Variants in CADM2 observed in about 807,000 individuals in gnomAD.
CADM2 encodes immunoglobulin superfamily member 4D.
In CADM2, 12 loss-of-function variants were observed where a neutral mutation model predicts 49.8. The observed-to-expected ratio is 0.24, with a 90% CI of 0.15 to 0.39. The LOEUF (loss-of-function observed/expected upper bound fraction) is 0.39. Ranked by LOEUF, CADM2 falls within the 10% of genes least tolerant of loss-of-function variation. The probability of loss-of-function intolerance (pLI) is 1.00; values close to 1 mark genes in which losing one functional copy is unlikely to be tolerated. For synonymous variants in CADM2, 214 were observed against 175.4 expected, an observed-to-expected ratio of 1.22 and a Z score of -1.74; for missense variants, 378 against 492.3, an observed-to-expected ratio of 0.77 and a Z score of 2.20.
chr3:85,989,767 C>A (rs1195838292), intron 8 of CADM2, among the ~76,000 whole-genome samples: 2 of 151,866 alleles, frequency 1.3e-5, no homozygotes, highest in African/African-American at 2.4e-5. Flanking sequence ...AATCCCAGCA[C>A]TTTTGGAGGC....
intron 6 of CADM2, among the ~76,000 whole-genome samples, chr3:85,915,204 T>A (rs1718123143): frequency 6.6e-6 from 1 of 152,176 alleles, no homozygotes; most frequent in South Asian, 2.1e-4. Context: ...CATGAATAAG[T>A]AAAACTTCAT....
At chr3:85,074,308 A>C (rs2036862925) in intron 1 of CADM2, among the ~76,000 whole-genome samples, 1 of 152,006 alleles carries the variant, frequency 6.6e-6, no homozygotes, top group African/African-American at 2.4e-5. Flanking sequence ...ATCTTTGCTA[A>C]AATCTCAACT....
intron 1 of CADM2, among the ~76,000 whole-genome samples, chr3:85,295,383 C>G (rs1331230515): frequency 1.3e-5 from 2 of 152,088 alleles, no homozygotes; most frequent in Non-Finnish European, 2.9e-5. Context: ...GTCAGTGTGG[C>G]GATTCCTCAG....
intron 1 of CADM2, among the ~76,000 whole-genome samples, chr3:85,248,164 T>C (rs1216445340): frequency 6.6e-6 from 1 of 152,222 alleles, no homozygotes; most frequent in Non-Finnish European, 1.5e-5. Flanking sequence ...TATAACTTTA[T>C]GTTTGAATCA....
chr3:85,554,609 A>T (rs1257212737), intron 1 of CADM2, among the ~76,000 whole-genome samples: 2 of 152,216 alleles, frequency 1.3e-5, no homozygotes, highest in African/African-American at 4.8e-5. Flanking sequence ...ATCTGAATAA[A>T]AGGGCATACG....
At chr3:85,714,792 G>A (rs57126458) in intron 1 of CADM2, among the ~76,000 whole-genome samples, 5 of 151,576 alleles carry the variant, frequency 3.3e-5, no homozygotes, top group South Asian at 2.1e-4. Flanking sequence ...TACTCCCCTC[G>A]TTAAGATGAT....
At chr3:85,680,543 C>G (rs939191948) in intron 1 of CADM2, among the ~76,000 whole-genome samples, 1 of 151,950 alleles carries the variant, frequency 6.6e-6, no homozygotes, top group African/African-American at 2.4e-5. Context: ...TTTATGTGCT[C>G]CATAAGTGAT....
intron 1 of CADM2, among the ~76,000 whole-genome samples, chr3:85,606,017 A>G (rs936134880): frequency 1.3e-5 from 2 of 152,138 alleles, no homozygotes; most frequent in Non-Finnish European, 1.5e-5. Flanking sequence ...CAGAGTCCTC[A>G]TAGGCACAAT....
intron 1 of CADM2, among the ~76,000 whole-genome samples, chr3:85,514,781 G>A (rs148283077): frequency 1.6e-3 from 237 of 152,116 alleles, no homozygotes; most frequent in African/African-American, 5.3e-3. Context: ...CTTACTTGAA[G>A]CTTGAAATTA....
chr3:85,802,780 A>G (rs918727158), intron 3 of CADM2, among the ~76,000 whole-genome samples: 1 of 152,132 alleles, frequency 6.6e-6, no homozygotes, highest in African/African-American at 2.4e-5. Context: ...TTGATTAAAC[A>G]TTCCAGAGAA....
chr3:84,961,191 C>T (rs1473563670), intron 1 of CADM2, among the ~76,000 whole-genome samples: 1 of 152,080 alleles, frequency 6.6e-6, no homozygotes, highest in Non-Finnish European at 1.5e-5. Flanking sequence ...GGTCAATGAA[C>T]CATCTTTCAG....
chr3:85,221,728 C>A (rs1334626811), intron 1 of CADM2, among the ~76,000 whole-genome samples: 1 of 152,094 alleles, frequency 6.6e-6, no homozygotes, highest in Non-Finnish European at 1.5e-5. Flanking sequence ...GTGGTGATAA[C>A]CATTGTAAAC....
intron 1 of CADM2, among the ~76,000 whole-genome samples, chr3:85,198,251 C>T (rs2041395659): frequency 6.6e-6 from 1 of 151,796 alleles, no homozygotes; most frequent in Non-Finnish European, 1.5e-5. Context: ...TCCATGTAAA[C>T]ATCTGTAATC....
At chr3:85,146,296 G>T (rs2039738489) in intron 1 of CADM2, among the ~76,000 whole-genome samples, 1 of 152,062 alleles carries the variant, frequency 6.6e-6, no homozygotes, top group Admixed American at 6.5e-5. Flanking sequence ...CTTTGTATTA[G>T]GGTATAAATT....
chr3:85,327,317 A>T (rs775670028), intron 1 of CADM2, among the ~76,000 whole-genome samples: 23 of 151,954 alleles, frequency 1.5e-4, no homozygotes, highest in Non-Finnish European at 2.8e-4. Flanking sequence ...GTGCAGTGTC[A>T]CAATCCCAGC....
At chr3:85,644,290 T>A (rs565102494) in intron 1 of CADM2, among the ~76,000 whole-genome samples, 2 of 152,240 alleles carry the variant, frequency 1.3e-5, no homozygotes, top group South Asian at 2.1e-4. Context: ...TCCATTGCTC[T>A]TCTTAGAAGG....
At chr3:85,381,669 T>C (rs948912759) in intron 1 of CADM2, among the ~76,000 whole-genome samples, 12 of 151,816 alleles carry the variant, frequency 7.9e-5, no homozygotes, top group Admixed American at 2.0e-4. Context: ...TAATAAAGTA[T>C]ATTTTTAGAG....
intron 5 of CADM2, among the ~76,000 whole-genome samples, chr3:85,891,807 C>T (rs940795003): frequency 2.6e-5 from 4 of 152,152 alleles, no homozygotes; most frequent in Admixed American, 6.5e-5. Flanking sequence ...AATCAGAGAG[C>T]TTGAAGAGGA....
intron 1 of CADM2, among the ~76,000 whole-genome samples, chr3:85,106,520 G>A (rs149339262): frequency 6.6e-6 from 1 of 152,228 alleles, no homozygotes; most frequent in East Asian, 1.9e-4. Context: ...TACCATAAAT[G>A]AATATTGTGG....
Sources: allele counts gnomAD v4.1 joint callset (sites outside exome capture counted in the v4.1 genomes callset), GRCh38; gene constraint gnomAD v4.1.1; transcripts MANE v1.5; gene names NCBI Gene and HGNC (gene_info 2026-07-23, HGNC 2026-07-21).